The following KCNT2 variants were observed in gnomAD, a reference collection of about 807,000 sequenced individuals.
KCNT2 encodes the protein potassium channel subfamily T member 2.
In KCNT2, 67 loss-of-function variants were observed where a neutral mutation model predicts 153.8. The observed-to-expected ratio is 0.44, with a 90% CI of 0.36 to 0.53. KCNT2 has a LOEUF of 0.53. Ranked by LOEUF, KCNT2 falls within the 20% of genes least tolerant of loss-of-function variation. KCNT2 has a pLI of 0.00. For missense variants in KCNT2, 975 were observed against 1,354.8 expected, an observed-to-expected ratio of 0.72 and a Z score of 4.40; for synonymous variants, 500 against 458.8, an observed-to-expected ratio of 1.09 and a Z score of -1.15.
At chr1:196,537,969 T>G (rs897213832) in intron 1 of KCNT2, among the ~76,000 whole-genome samples, 5 of 152,192 alleles carry the variant, frequency 3.3e-5, no homozygotes, top group Non-Finnish European at 5.9e-5. Flanking sequence ...GTGCCCTGCC[T>G]GCACCTGAAG....
chr1:196,306,610 A>C (rs897719666), intron 21 of KCNT2, among the ~76,000 whole-genome samples: 4 of 151,992 alleles, frequency 2.6e-5, no homozygotes, highest in Admixed American at 2.0e-4. Flanking sequence ...GGCCTTTCTT[A>C]GCCTTCAGAC....
At chr1:196,589,101 G>C (rs1167824406) in intron 1 of KCNT2, among the ~76,000 whole-genome samples, 1 of 151,822 alleles carries the variant, frequency 6.6e-6, no homozygotes, top group Non-Finnish European at 1.5e-5. Flanking sequence ...AAGTAATCTT[G>C]TTTTGGAATC....
At chr1:196,277,794 A>G (rs1371826019) in intron 25 of KCNT2, among the ~76,000 whole-genome samples, 1 of 152,132 alleles carries the variant, frequency 6.6e-6, no homozygotes, top group African/African-American at 2.4e-5. Flanking sequence ...TGTCAGAGTC[A>G]ATTTTATTTT....
intron 13 of KCNT2, among the ~76,000 whole-genome samples, chr1:196,382,713 G>A (rs1490565808): frequency 6.6e-6 from 1 of 152,030 alleles, no homozygotes; most frequent in Non-Finnish European, 1.5e-5. Context: ...CAAAATTTAA[G>A]GAAGTTTTCA....
At chr1:196,417,356 T>A (rs1672838030) in intron 12 of KCNT2, among the ~76,000 whole-genome samples, 1 of 151,984 alleles carries the variant, frequency 6.6e-6, no homozygotes, top group Non-Finnish European at 1.5e-5. Context: ...CAAGACATAT[T>A]CTAACTCACA....
intron 20 of KCNT2, 58 bp from the exon 21 acceptor site, chr1:196,316,084 A>C (rs1662687260): frequency 6.6e-7 from 1 of 1,521,924 alleles, no homozygotes; most frequent in South Asian, 1.2e-5. Context: ...TGTTATAATC[A>C]GTGCTAAAGT....
chr1:196,572,093 T>G (rs2148952828), intron 1 of KCNT2, among the ~76,000 whole-genome samples: 1 of 152,250 alleles, frequency 6.6e-6, no homozygotes, highest in South Asian at 2.1e-4. Flanking sequence ...GCACATGCTG[T>G]TCACCATTTC....
intron 3 of KCNT2, among the ~76,000 whole-genome samples, chr1:196,489,406 C>A (rs1004707201): frequency 6.6e-6 from 1 of 151,230 alleles, no homozygotes; most frequent in East Asian, 1.9e-4. Context: ...AAAAGAGAAA[C>A]AGTCTCTAGA....
intron 16 of KCNT2, among the ~76,000 whole-genome samples, chr1:196,337,919 T>G (rs1665195213): frequency 6.6e-6 from 1 of 152,154 alleles, no homozygotes; most frequent in Admixed American, 6.6e-5. Flanking sequence ...GCAAGCTCTA[T>G]GAACTAGGGA....
chr1:196,269,680 T>TA (rs1012218746), intron 25 of KCNT2, among the ~76,000 whole-genome samples: 10 of 152,022 alleles, frequency 6.6e-5, no homozygotes, highest in Non-Finnish European at 1.5e-4. Flanking sequence ...CTACCTGCCA[T>TA]AAAAAATACC....
chr1:196,340,195 G>A, intron 16 of KCNT2, 146 bp downstream of exon 16: 1 of 565,886 alleles, frequency 1.8e-6, no homozygotes, highest in Non-Finnish European at 3.0e-6. Context: ...CTGTTGTCCT[G>A]TATACCTAGT....
At chr1:196,558,253 T>C (rs1225747998) in intron 1 of KCNT2, among the ~76,000 whole-genome samples, 3 of 151,410 alleles carry the variant, frequency 2.0e-5, no homozygotes, top group African/African-American at 4.8e-5. Context: ...CATGAAAATA[T>C]GCACATTCAA....
At position 196,492,308 on chromosome 1, in the gene KCNT2, T is replaced by C; in HGVS notation, c.129A>G (p.Thr43=). The C allele has an allele frequency of 6.9e-7, 1 of 1,440,418 alleles. No individual in the cohort carries two copies. Among genetic ancestry groups the C allele is most frequent in the Non-Finnish European group, 9.3e-7 (1 of 1,073,534 alleles). The allele number at this position is 1,440,418 out of a possible 1,614,324, so 89.2% of individuals were successfully genotyped here. A position where few individuals can be genotyped will look rare whatever the true frequency, so the allele number is the denominator to read the frequency against. ...AAAATAATTTTAGTCTTTCTTTAAA[T>C]GTATTTTCATTCATATAGAATTCAA... ...VQVEFYMNEN[T]FKERLKLFFI... Residue 43 remains threonine (T), a synonymous_variant, in exon 2 of 28, where the codon ACA becomes ACG. Transcript: ENST00000294725.
At chr1:196,585,209 T>C (rs1325923013) in intron 1 of KCNT2, among the ~76,000 whole-genome samples, 3 of 151,992 alleles carry the variant, frequency 2.0e-5, no homozygotes, top group Admixed American at 6.6e-5. Context: ...GAAAGCTCAG[T>C]AGTGAGGAAG....
At chr1:196,453,996 AT>A (rs140698730) in intron 8 of KCNT2, among the ~76,000 whole-genome samples, 2 of 151,314 alleles carry the variant, frequency 1.3e-5, no homozygotes, top group African/African-American at 2.4e-5. Flanking sequence ...TCATCTTTCC[AT>A]TTTTTTTATT....
At chr1:196,413,610 C>T (rs1041802371) in intron 12 of KCNT2, among the ~76,000 whole-genome samples, 1 of 151,500 alleles carries the variant, frequency 6.6e-6, no homozygotes, top group Non-Finnish European at 1.5e-5. Context: ...ATGTCATGTG[C>T]TTTATTGTTT....
intron 8 of KCNT2, among the ~76,000 whole-genome samples, chr1:196,449,461 T>G (rs76846471): frequency 1.3e-5 from 2 of 151,646 alleles, no homozygotes; most frequent in Non-Finnish European, 1.5e-5. Flanking sequence ...ATACTCTATA[T>G]AATATTTGCA....
At chr1:196,431,587 A>G (rs1674157232) in intron 8 of KCNT2, among the ~76,000 whole-genome samples, 1 of 152,102 alleles carries the variant, frequency 6.6e-6, no homozygotes, top group Non-Finnish European at 1.5e-5. Context: ...AAAGTGGTAA[A>G]ACTTGGTAAT....
rs570805606 is a variant in KCNT2 at position 196,498,221 on chromosome 1, A to G, written c.96-5880T>C. On this transcript the variant is annotated intron_variant, in intron 1 of 27. Transcript: ENST00000294725. ...TTAAATCAGGCCTCGTCATTTTAAT[A>G]ACAGGAAAAATAATTCTGATCCAGG... is the stretch of plus-strand genomic sequence containing the variant. Among the ~76,000 whole-genome samples the G allele has an allele frequency of 1.2e-3, 183 of 152,322 alleles. 2 individuals carry two copies. The highest frequency in any genetic ancestry group is 2.9e-3 in the African/African-American group (119 of 41,582).
Sources: allele counts gnomAD v4.1 joint callset (sites outside exome capture counted in the v4.1 genomes callset), GRCh38; gene constraint gnomAD v4.1.1; transcripts MANE v1.5; gene names NCBI Gene and HGNC (gene_info 2026-07-23, HGNC 2026-07-21).